The following SUCLG2 variants were observed in gnomAD, a reference collection of about 807,000 sequenced individuals.
The protein encoded by SUCLG2 is succinate--CoA ligase [GDP-forming] subunit beta, mitochondrial.
In SUCLG2, 42 loss-of-function variants were observed where a neutral mutation model predicts 47.9. The observed-to-expected ratio is 0.88, with a 90% confidence interval of 0.69 to 1.14. The LOEUF (loss-of-function observed/expected upper bound fraction) is 1.14. Ranked by LOEUF, SUCLG2 falls within the 50% of genes most tolerant of loss-of-function variation. The probability of loss-of-function intolerance (pLI) is 0.00; values close to 1 mark genes in which losing one functional copy is unlikely to be tolerated. For missense variants in SUCLG2, 571 were observed against 525.9 expected, an observed-to-expected ratio of 1.09 and a Z score of -0.84; for synonymous variants, 195 against 197.3, an observed-to-expected ratio of 0.99 and a Z score of 0.10.
chr3:67,601,955 C>T (rs1266000374), intron 2 of SUCLG2, among the ~76,000 whole-genome samples: 3 of 151,480 alleles, frequency 2.0e-5, no homozygotes, highest in South Asian at 2.1e-4. Context: ...CAACTCCAGC[C>T]GGGGCGACAG....
chr3:67,369,378 T>C (rs1701920484), intron 10 of SUCLG2, among the ~76,000 whole-genome samples: 1 of 152,218 alleles, frequency 6.6e-6, no homozygotes. Flanking sequence ...ATGTTGTTTC[T>C]GTTTCTTGTT....
chr3:67,639,719 C>A (rs189223277), intron 1 of SUCLG2, among the ~76,000 whole-genome samples: 1 of 152,310 alleles, frequency 6.6e-6, no homozygotes, highest in African/African-American at 2.4e-5. Flanking sequence ...AGTTTAATAA[C>A]ACACCCTTCT....
intron 9 of SUCLG2, among the ~76,000 whole-genome samples, chr3:67,471,053 T>TG (rs1704592565): frequency 6.6e-6 from 1 of 152,150 alleles, no homozygotes; most frequent in African/African-American, 2.4e-5. Context: ...GAGAAAAACT[T>TG]GGAGAAGATA....
chr3:67,422,472 T>TAAAAAAAAAAAAAAAAAAAAAAA (rs1559520249), intron 9 of SUCLG2, among the ~76,000 whole-genome samples: 2 of 12,342 alleles, frequency 1.6e-4, no homozygotes, highest in African/African-American at 7.4e-4. Flanking sequence ...AGACTCCATC[T>TAAAAAAAAAAAAAAAAAAAAAAA]CAAAAAAAAA....
intron 10 of SUCLG2, among the ~76,000 whole-genome samples, chr3:67,380,633 T>C (rs1411411171): frequency 2.0e-5 from 3 of 151,810 alleles, no homozygotes; most frequent in Non-Finnish European, 2.9e-5. Context: ...AAATGGGTCA[T>C]ATGCAGAGCC....
At chr3:67,478,268 C>T (rs987076756) in intron 9 of SUCLG2, among the ~76,000 whole-genome samples, 3 of 152,350 alleles carry the variant, frequency 2.0e-5, no homozygotes, top group Admixed American at 6.5e-5. Flanking sequence ...AAGTACCAGA[C>T]ACTGCTGAGC....
chr3:67,369,593 G>A (rs895016484), intron 10 of SUCLG2, among the ~76,000 whole-genome samples: 6 of 152,198 alleles, frequency 3.9e-5, no homozygotes, highest in African/African-American at 1.2e-4. Flanking sequence ...GGGTGGATGG[G>A]AGCCGTTCCG....
intron 2 of SUCLG2, among the ~76,000 whole-genome samples, chr3:67,537,430 T>C (rs1219612213): frequency 6.6e-6 from 1 of 152,228 alleles, no homozygotes. Context: ...TAGTATTCCA[T>C]AATTTATATG....
intron 5 of SUCLG2, 36 bp from the exon 6 acceptor site, chr3:67,518,372 A>C: frequency 6.4e-7 from 1 of 1,572,642 alleles, no homozygotes; most frequent in Non-Finnish European, 8.7e-7. Context: ...AAATTCAGAC[A>C]GTCAACTGAG....
At chr3:67,422,011 T>TCC in intron 9 of SUCLG2, among the ~76,000 whole-genome samples, 1 of 152,286 alleles carries the variant, frequency 6.6e-6, no homozygotes, top group East Asian at 1.9e-4. Flanking sequence ...TATAGTACAG[T>TCC]CCTTCAAGGC....
intron 1 of SUCLG2, among the ~76,000 whole-genome samples, chr3:67,641,515 T>C (rs1279634514): frequency 6.6e-6 from 1 of 152,230 alleles, no homozygotes; most frequent in Admixed American, 6.5e-5. Flanking sequence ...TCAGATGTGT[T>C]TGATCAAAAA....
chr3:67,537,601 G>A (rs1284790281), intron 2 of SUCLG2, among the ~76,000 whole-genome samples: 1 of 152,084 alleles, frequency 6.6e-6, no homozygotes, highest in African/African-American at 2.4e-5. Context: ...GGGATTGCTT[G>A]GTCAAATGGC....
At chr3:67,581,926 A>C (rs2107259437) in intron 2 of SUCLG2, among the ~76,000 whole-genome samples, 1 of 152,300 alleles carries the variant, frequency 6.6e-6, no homozygotes, top group African/African-American at 2.4e-5. Flanking sequence ...AAGAGTTGTA[A>C]ATTAGCTCCC....
At chr3:67,486,139 C>T (rs1316418129) in intron 9 of SUCLG2, among the ~76,000 whole-genome samples, 1 of 152,094 alleles carries the variant, frequency 6.6e-6, no homozygotes, top group Admixed American at 6.5e-5. Context: ...GTGTCATGCA[C>T]CTGTAGTCCT....
intron 1 of SUCLG2, among the ~76,000 whole-genome samples, chr3:67,617,036 G>A (rs1377039513): frequency 6.6e-6 from 1 of 152,144 alleles, no homozygotes; most frequent in Non-Finnish European, 1.5e-5. Flanking sequence ...ATGTTGTTCT[G>A]TATGCAAATT....
intron 2 of SUCLG2, among the ~76,000 whole-genome samples, chr3:67,605,029 T>C (rs540028060): frequency 2.0e-5 from 3 of 152,292 alleles, no homozygotes; most frequent in African/African-American, 7.2e-5. Flanking sequence ...ACAACAGTAG[T>C]GAACCTCCTG....
At chr3:67,600,988 A>G (rs1450083358) in intron 2 of SUCLG2, among the ~76,000 whole-genome samples, 3 of 152,262 alleles carry the variant, frequency 2.0e-5, no homozygotes, top group Non-Finnish European at 4.4e-5. Flanking sequence ...ATATGCCAAT[A>G]CAGAGAAAAA....
At chr3:67,486,355 T>C (rs553483386) in intron 9 of SUCLG2, among the ~76,000 whole-genome samples, 52 of 152,290 alleles carry the variant, frequency 3.4e-4, no homozygotes, top group Non-Finnish European at 6.2e-4. Context: ...TATGAAAAGC[T>C]GCTCATAATT....
intron 6 of SUCLG2, among the ~76,000 whole-genome samples, chr3:67,510,541 C>A (rs943684708): frequency 1.3e-5 from 2 of 152,208 alleles, no homozygotes; most frequent in African/African-American, 4.8e-5. Flanking sequence ...CTATGCCTAA[C>A]ACAGTACGCA....
Sources: allele counts gnomAD v4.1 joint callset (sites outside exome capture counted in the v4.1 genomes callset), GRCh38; gene constraint gnomAD v4.1.1; transcripts MANE v1.5; gene names NCBI Gene and HGNC (gene_info 2026-07-23, HGNC 2026-07-21).